Variants in GAK observed in about 807,000 individuals in gnomAD.
The protein encoded by GAK is cyclin-G-associated kinase.
Under a neutral mutation model 143.9 loss-of-function variants are expected in GAK, and 79 were observed. The ratio of observed to expected loss-of-function variants is 0.55; its 90% confidence interval spans 0.46 to 0.66. The LOEUF is 0.66. Ranked by LOEUF, GAK falls within the 30% of genes least tolerant of loss-of-function variation. The probability of loss-of-function intolerance (pLI) is 0.00; values close to 1 mark genes in which losing one functional copy is unlikely to be tolerated. For synonymous variants in GAK, 881 were observed against 765.5 expected, an observed-to-expected ratio of 1.15 and a Z score of -2.49; for missense variants, 1,693 against 1,779.7, an observed-to-expected ratio of 0.95 and a Z score of 0.88.
At chr4:893,589 T>A in intron 8 of GAK, 100 bp from the exon 9 acceptor site, 1 of 831,414 alleles carries the variant, frequency 1.2e-6, no homozygotes, top group Admixed American at 3.3e-5. Context: ...CCACTCCCTC[T>A]ACACACATCA....
chr4:911,904 A>C, intron 3 of GAK, 117 bp from the exon 4 acceptor site: 2 of 758,618 alleles, frequency 2.6e-6, no homozygotes, highest in Non-Finnish European at 4.5e-6. Flanking sequence ...TCGAACCCTT[A>C]CAATTTTAGA....
At chr4:928,296 G>A (rs1725162479) in intron 1 of GAK, among the ~76,000 whole-genome samples, 2 of 152,222 alleles carry the variant, frequency 1.3e-5, no homozygotes, top group South Asian at 4.1e-4. Flanking sequence ...GACTTCGGGT[G>A]ATCTGCCCAC....
chr4:920,277 C>A (rs1355457131), intron 1 of GAK, among the ~76,000 whole-genome samples: 4 of 148,642 alleles, frequency 2.7e-5, no homozygotes. Context: ...CACTGCACTC[C>A]AACCTGGGCG....
At chr4:876,330 G>T (rs3736089) in intron 18 of GAK, among the ~76,000 whole-genome samples, 200 bp downstream of exon 18, 2 of 151,482 alleles carry the variant, frequency 1.3e-5, no homozygotes, top group African/African-American at 4.8e-5. Flanking sequence ...CAACGGGGGG[G>T]CAGAGCAGCA....
intron 1 of GAK, among the ~76,000 whole-genome samples, chr4:914,995 AAC>A (rs1722867348): frequency 2.3e-5 from 1 of 42,602 alleles, no homozygotes; most frequent in Non-Finnish European, 4.5e-5. Flanking sequence ...CACGGCCCCC[AAC>A]ACACACAGCC....
intron 26 of GAK, 83 bp from the exon 27 acceptor site, chr4:850,151 G>A: frequency 7.4e-7 from 1 of 1,345,192 alleles, no homozygotes. Context: ...GCACGACGCT[G>A]AGGAAGTGCC....
At chr4:891,714 C>T (rs981791012) in intron 9 of GAK, among the ~76,000 whole-genome samples, 3 of 152,190 alleles carry the variant, frequency 2.0e-5, no homozygotes, top group African/African-American at 2.4e-5. Flanking sequence ...CCCACACCCC[C>T]CTGCGAGCCC....
In GAK at chr4:860,264, G is replaced by A. The variant is rs562017666; in HGVS notation, c.3167-542C>T. The stretch of plus-strand genomic sequence containing the variant: ...CCAGGGGGGCTGCGGTGGGAGGATC[G>A]CTCCAGCCCAGGGGTTGACGGCTGC... On this transcript the variant is annotated intron_variant, in intron 23 of 27. Coordinates refer to ENST00000314167, the MANE Select transcript of GAK (RefSeq NM_005255.4). 1.7e-4 allele frequency among the ~76,000 whole-genome samples: 25 copies of A among 147,724 alleles called. No homozygotes were observed. The South Asian group carries it at 4.9e-3, about 29-fold the overall frequency.
At chr4:882,091 G>A (rs1033704286) in intron 14 of GAK, 51 bp from the exon 15 acceptor site, 14 of 1,541,018 alleles carry the variant, frequency 9.1e-6, no homozygotes, top group African/African-American at 6.8e-5. Flanking sequence ...TGCAGGACAA[G>A]GGCTCGCGGG....
At chr4:925,525 C>G (rs2152975220) in intron 1 of GAK, among the ~76,000 whole-genome samples, 1 of 152,274 alleles carries the variant, frequency 6.6e-6, no homozygotes, top group Non-Finnish European at 1.5e-5. Flanking sequence ...TACCACATAC[C>G]AACATTTTCA....
At position 883,502 on chromosome 4, in the gene GAK, G is replaced by A. The variant is rs200336687; in HGVS notation, c.1256-39C>T. ...ACCTGCGTCAGCACCTGGGAGATGC[G>A]CACCTCGTGGCCAGGCTGCTGCTGC... On this transcript the variant is annotated intron_variant, in intron 12 of 27. Transcript: ENST00000314167. 15 of 1,606,036 alleles carry A rather than the reference G, an allele frequency of 9.3e-6. No individual in the cohort carries two copies. The Middle Eastern group carries it at 6.6e-4, about 71-fold the overall frequency.
At chr4:872,313 G>A (rs1418429722) in intron 18 of GAK, 1 of 152,236 alleles carries the variant, frequency 6.6e-6, no homozygotes, top group African/African-American at 2.4e-5. Context: ...GCTCTGGGCG[G>A]AGGTGGCCAC....
chr4:862,186 C>T (rs1750408239), intron 23 of GAK, among the ~76,000 whole-genome samples: 1 of 151,560 alleles, frequency 6.6e-6, no homozygotes, highest in Admixed American at 6.6e-5. Context: ...AGATATGAGA[C>T]GGCCTAAGTC....
rs771941173 is a variant in GAK at position 898,062 on chromosome 4, C to A, written c.622G>T (p.Ala208Ser). The change falls in exon 6 of 28, where the codon GCC becomes TCC. Residue 208 changes from alanine (A) to serine (S), a missense_variant. By Grantham distance (99) the Ala-to-Ser change is moderately conservative. Around this residue, in one of 2 missense-constraint regions of GAK, gnomAD observed 871 missense variants for 991.0 expected, o/e 0.88. Coordinates refer to ENST00000314167, the MANE Select transcript of GAK (RefSeq NM_005255.4). ...ISHYPDYSWSAQRRALVEEEI... is the reference protein window; with the variant it reads ...ISHYPDYSWSSQRRALVEEEI... ...TCCTCCACCAGGGCTCGCCTCTGGGCGCTCCAGCTGTAGTCAGGGTAGTGC... is the reference window on the plus strand; with the variant it reads ...TCCTCCACCAGGGCTCGCCTCTGGGAGCTCCAGCTGTAGTCAGGGTAGTGC... 1 of 1,613,918 alleles carries A rather than the reference C, an allele frequency of 6.2e-7. No homozygotes were observed. Among genetic ancestry groups the A allele is most frequent in the East Asian group, 2.2e-5 (1 of 44,888 alleles).
At chr4:914,817 G>A (rs1722811104) in intron 1 of GAK, among the ~76,000 whole-genome samples, 2 of 95,364 alleles carry the variant, frequency 2.1e-5, no homozygotes, top group South Asian at 4.0e-4. Context: ...TACACACACA[G>A]CCCCAACGTA....
chr4:884,119 C>G, intron 11 of GAK, 33 bp from the exon 12 acceptor site: 1 of 1,592,568 alleles, frequency 6.3e-7, no homozygotes, highest in East Asian at 2.2e-5. Flanking sequence ...TTGGTTATGA[C>G]AAGAAACACT....
intron 11 of GAK, among the ~76,000 whole-genome samples, chr4:885,201 G>A (rs958075257): frequency 4.6e-5 from 7 of 152,188 alleles, no homozygotes; most frequent in African/African-American, 1.2e-4. Context: ...TGAGCCTGAC[G>A]CTTGGCCACT....
Position 877,662 on chromosome 4 carries a change from C to T in GAK, c.1809G>A (p.Val603=), listed in dbSNP as rs202134985. The stretch of plus-strand genomic sequence containing the variant: ...AGGTGCTGGCCACACGCTCGTCCCC[C>T]ACGTAGACCTCGCAGAAGGGCCTGC... ...SGCRPFCEVY[V]GDERVASTSQ... is the part of the protein sequence containing the mutation. Residue 603 remains valine (V), a synonymous_variant, in exon 16 of 28, where the codon GTG becomes GTA. Coordinates refer to ENST00000314167, the MANE Select transcript of GAK (RefSeq NM_005255.4). 4.3e-6 allele frequency: 7 copies of T among 1,610,570 alleles called. No individual in the cohort carries two copies. Among genetic ancestry groups the T allele is most frequent in the Middle Eastern group, 1.6e-4 (1 of 6,074 alleles).
Position 890,517 on chromosome 4 carries a change from G to C in GAK, c.1081+15C>G. ...GAGCGAGGGACAGGTGGCGGGCACA[G>C]GACAGGGCACTCACCTCCACTGTAG... On this transcript the variant is annotated intron_variant, in intron 10 of 27. Coordinates refer to ENST00000314167, the MANE Select transcript of GAK (RefSeq NM_005255.4). 1 of 1,594,248 alleles carries C rather than the reference G, an allele frequency of 6.3e-7. No individual in the cohort carries two copies. Among genetic ancestry groups the C allele is most frequent in the Non-Finnish European group, 8.6e-7 (1 of 1,168,556 alleles).
Sources: allele counts gnomAD v4.1 joint callset (sites outside exome capture counted in the v4.1 genomes callset), GRCh38; gene constraint gnomAD v4.1.1; regional missense constraint gnomAD v4.1.1; transcripts MANE v1.5; gene names NCBI Gene and HGNC (gene_info 2026-07-23, HGNC 2026-07-21).